The following TMEM45B variants were observed in gnomAD, a reference collection of about 807,000 sequenced individuals.
The protein encoded by TMEM45B is transmembrane protein 45B.
TMEM45B carries 29 observed loss-of-function variants against 27.3 expected under a neutral mutation model. The observed-to-expected ratio is 1.06, with a 90% CI of 0.79 to 1.45. The LOEUF (loss-of-function observed/expected upper bound fraction) is 1.45, where lower values mean the gene tolerates loss of function less well. Among genes scored for constraint, TMEM45B ranks in the 40% most tolerant of loss-of-function variants. The pLI is 0.00. For synonymous variants in TMEM45B, 143 were observed against 134.7 expected, an observed-to-expected ratio of 1.06 and a Z score of -0.43; for missense variants, 348 against 343.9, an observed-to-expected ratio of 1.01 and a Z score of -0.09.
intron 1 of TMEM45B, among the ~76,000 whole-genome samples, chr11:129,843,534 T>C (rs2135584236): frequency 1.3e-5 from 2 of 152,250 alleles, no homozygotes; most frequent in South Asian, 4.1e-4. Context: ...TTGAGATTTT[T>C]GTAAAAGAAA....
In TMEM45B at chr11:129,855,790, A is replaced by G; in HGVS notation, c.468A>G (p.Gly156=). ...CACTCCTGCTGTATGCTCTGTTCGG[A>G]GGGTGTGTTAGTATCTCCCTAGAGG... is the stretch of plus-strand genomic sequence containing the variant. ...IHSLLLYALF[G]GCVSISLEVI... The change falls in exon 4 of 6, where the codon GGA becomes GGG. Residue 156 remains glycine, a synonymous_variant. Transcript: ENST00000281441. The G allele has an allele frequency of 6.2e-7, 1 of 1,614,050 alleles. No homozygotes were observed. The highest frequency in any genetic ancestry group is 2.2e-5 in the East Asian group (1 of 44,862).
chr11:129,841,592 GTT>G (rs567723417), intron 1 of TMEM45B, among the ~76,000 whole-genome samples: 3 of 124,588 alleles, frequency 2.4e-5, no homozygotes, highest in Non-Finnish European at 1.6e-5. Flanking sequence ...TTGTTTTTTT[GTT>G]TTTTTTTTTT....
At chr11:129,836,864 T>TACC (rs1274600365) in intron 1 of TMEM45B, among the ~76,000 whole-genome samples, 2 of 152,128 alleles carry the variant, frequency 1.3e-5, no homozygotes, top group African/African-American at 4.8e-5. Flanking sequence ...GATTCATGCT[T>TACC]ACAACATGGA....
intron 1 of TMEM45B, among the ~76,000 whole-genome samples, chr11:129,833,218 C>T (rs1296101155): frequency 5.5e-5 from 8 of 145,676 alleles, no homozygotes; most frequent in South Asian, 2.2e-4. Flanking sequence ...CCAGCCTGGG[C>T]GACAGAGGGA....
chr11:129,830,556 T>A (rs1208457893), intron 1 of TMEM45B, among the ~76,000 whole-genome samples: 1 of 152,184 alleles, frequency 6.6e-6, no homozygotes, highest in African/African-American at 2.4e-5. Flanking sequence ...ACTCACAGAA[T>A]GGGAGAAAAT....
chr11:129,843,778 A>G (rs1947725466), intron 1 of TMEM45B, among the ~76,000 whole-genome samples: 1 of 152,228 alleles, frequency 6.6e-6, no homozygotes, highest in South Asian at 2.1e-4. Context: ...TTGCCAAAAA[A>G]TCAAAACAAA....
At chr11:129,817,383 A>T (rs1443899884) in intron 1 of TMEM45B, among the ~76,000 whole-genome samples, 2 of 152,144 alleles carry the variant, frequency 1.3e-5, no homozygotes, top group Non-Finnish European at 2.9e-5. Flanking sequence ...TTTAATAAGG[A>T]TATTGGCTCC....
chr11:129,858,621 T>C lies in TMEM45B; in HGVS notation c.764T>C (p.Ile255Thr), dbSNP rs1397952266. The C allele has an allele frequency of 6.3e-7, 1 of 1,587,568 alleles. No homozygotes were observed. Among genetic ancestry groups the C allele is most frequent in the Non-Finnish European group, 8.6e-7 (1 of 1,165,930 alleles). The change falls in exon 6 of 6, where the codon ATT (isoleucine) becomes ACT (threonine). Residue 255 changes from isoleucine (I) to threonine (T), a missense_variant. Transcript: ENST00000281441. ...KRHGRGEIIG[I>T]QKLNSDDTYQ... is the part of the protein sequence containing the mutation. ...CACGGAAGGGGAGAAATCATTGGAA[T>C]TCAGAAGCTGAATTCAGATGACACT...
intron 1 of TMEM45B, among the ~76,000 whole-genome samples, chr11:129,841,650 G>A (rs1393477941): frequency 6.8e-6 from 1 of 147,368 alleles, no homozygotes; most frequent in Non-Finnish European, 1.5e-5. Flanking sequence ...AGGCTGGAGT[G>A]CAGTGACGTG....
chr11:129,821,168 G>A (rs2135550735), intron 1 of TMEM45B, among the ~76,000 whole-genome samples: 1 of 152,210 alleles, frequency 6.6e-6, no homozygotes, highest in African/African-American at 2.4e-5. Flanking sequence ...CCAACCCCCT[G>A]GAATGGGGTG....
chr11:129,820,369 G>A (rs756683972), intron 1 of TMEM45B, among the ~76,000 whole-genome samples: 4 of 152,250 alleles, frequency 2.6e-5, no homozygotes, highest in Admixed American at 6.5e-5. Flanking sequence ...GGCGGGGGGA[G>A]AATGAACATT....
chr11:129,855,939 C>T lies in TMEM45B; in HGVS notation c.570+47C>T, dbSNP rs568652248. ...CCTCGCTGGTCTGGATGGAGAAGCCCCCACCGAGCGCATCCCAGAGAAATC... is the reference window on the plus strand; with the variant it reads ...CCTCGCTGGTCTGGATGGAGAAGCCTCCACCGAGCGCATCCCAGAGAAATC... On this transcript the variant is annotated intron_variant, in intron 4 of 5. Transcript: ENST00000281441. 571 of 1,598,426 alleles carry T rather than the reference C, an allele frequency of 3.6e-4. 10 individuals carry two copies. In the South Asian group the frequency reaches 6.0e-3, roughly 17 times the overall value.
intron 1 of TMEM45B, among the ~76,000 whole-genome samples, chr11:129,823,728 C>G (rs982960267): frequency 2.6e-5 from 4 of 152,154 alleles, no homozygotes; most frequent in Middle Eastern, 3.2e-3. Flanking sequence ...TACTAGGACT[C>G]TAAGTAGAAT....
intron 1 of TMEM45B, among the ~76,000 whole-genome samples, chr11:129,848,757 G>T (rs1947803763): frequency 6.6e-6 from 1 of 152,166 alleles, no homozygotes; most frequent in Admixed American, 6.5e-5. Context: ...AACTTATAAA[G>T]AACAAATTTA....
rs1555071917 is a variant in TMEM45B, at chr11:129,845,337, A to ATTGTG, written c.-8-7137_-8-7136insTGTGT. 3.6e-3 allele frequency among the ~76,000 whole-genome samples: 440 copies of ATTGTG among 121,528 alleles called. 20 individuals carry two copies. Among genetic ancestry groups the ATTGTG allele is most frequent in the African/African-American group, 0.014 (414 of 29,246 alleles). 79.7% of individuals were successfully genotyped at this position (121,528 alleles called of 152,430 possible). On this transcript the variant is annotated intron_variant, in intron 1 of 5. Coordinates refer to ENST00000281441, the MANE Select transcript of TMEM45B (RefSeq NM_138788.5). Reference sequence around the variant, plus strand: ...GGGGTAGGAAATAGAGCTATTATAGATGTGTGTGTGTGTGTGTGTGTGTGT... The same window carrying ATTGTG: ...GGGGTAGGAAATAGAGCTATTATAGATTGTGTGTGTGTGTGTGTGTGTGTGTGTGT...
intron 1 of TMEM45B, among the ~76,000 whole-genome samples, chr11:129,826,048 C>A (rs1947474258): frequency 6.7e-6 from 1 of 149,792 alleles, no homozygotes; most frequent in Admixed American, 6.7e-5. Context: ...GATGTCCTTT[C>A]ACTCTAATGT....
chr11:129,846,066 G>A (rs73033203), intron 1 of TMEM45B, among the ~76,000 whole-genome samples: 23,341 of 152,128 alleles, frequency 0.15, 1,896 homozygotes, highest in South Asian at 0.29. Context: ...AATTTAATTT[G>A]GTCAACATTT....
rs182931056 is a variant in TMEM45B at position 129,827,663 on chromosome 11, C to T, written c.-9+11765C>T. ...TACTAAAAATACAAAATTAGCCAGG[C>T]GTGGTGGTGCGTGCCTGTAATCCCA... On this transcript the variant is annotated intron_variant, in intron 1 of 5. Coordinates refer to ENST00000281441, the MANE Select transcript of TMEM45B (RefSeq NM_138788.5). 3.4e-3 allele frequency among the ~76,000 whole-genome samples: 512 copies of T among 152,098 alleles called. 5 individuals are homozygous for T. Among genetic ancestry groups the T allele is most frequent in the African/African-American group, 0.011 (477 of 41,492 alleles).
chr11:129,820,844 G>A (rs548374349), intron 1 of TMEM45B, among the ~76,000 whole-genome samples: 60 of 152,128 alleles, frequency 3.9e-4, no homozygotes, highest in Non-Finnish European at 7.6e-4. Context: ...GAACCCTAGC[G>A]GCAATTACTT....
Sources: allele counts gnomAD v4.1 joint callset (sites outside exome capture counted in the v4.1 genomes callset), GRCh38; gene constraint gnomAD v4.1.1; transcripts MANE v1.5; gene names NCBI Gene and HGNC (gene_info 2026-07-23, HGNC 2026-07-21).